Variants in SNX12 observed in about 807,000 individuals in gnomAD.
SNX12 encodes the protein sorting nexin 12, also known as sorting nexin-12.
For missense variants in SNX12, 62 were observed against 141.3 expected (o/e 0.44, Z 2.84); for synonymous variants, 47 against 56.0 (o/e 0.84, Z 0.71).
upstream of SNX12, among the ~76,000 whole-genome samples, chrX:71,072,027 G>C (rs1184823515): frequency 2.7e-5 from 3 of 110,719 alleles, no homozygotes; most frequent in Non-Finnish European, 5.7e-5. Flanking sequence ...GGAGGCCAAG[G>C]CGGGCTGATT....
At chrX:71,061,196 G>A (rs745687014) in intron 3 of SNX12, 78 bp from the exon 4 acceptor site, 2 of 838,546 alleles carry the variant, frequency 2.4e-6, no homozygotes, top group East Asian at 6.7e-5. Flanking sequence ...TGTGGACAGG[G>A]GAAGAAGGGC....
In SNX12 at chrX:71,059,399, G is replaced by A. The variant is rs2092123268; in HGVS notation, c.*1617C>T. The A allele has an allele frequency of 9.0e-6, 1 of 111,518 alleles. No individual in the cohort carries two copies. The highest frequency in any genetic ancestry group is 1.9e-5 in the Non-Finnish European group (1 of 53,188). The allele number at this position is 111,518 out of a possible 1,213,427, so 9.2% of individuals were successfully genotyped here. ...TCAGCACTTGTGCACAATGAAAGAGGAAATCGTTTTTAAAAAATGTCTATA... is the reference window on the plus strand; with the variant it reads ...TCAGCACTTGTGCACAATGAAAGAGAAAATCGTTTTTAAAAAATGTCTATA... On this transcript the variant is annotated 3_prime_UTR_variant, in exon 4 of 4. Transcript: ENST00000374274.
intron 3 of SNX12, among the ~76,000 whole-genome samples, 168 bp from the exon 4 acceptor site, chrX:71,061,286 G>C (rs191570440): frequency 9.0e-6 from 1 of 111,291 alleles, no homozygotes; most frequent in East Asian, 2.8e-4. Context: ...AGGGGACGGG[G>C]GATAGAGGGG....
chrX:71,070,036 C>A (rs1432939609), upstream of SNX12, among the ~76,000 whole-genome samples: 1 of 111,493 alleles, frequency 9.0e-6, no homozygotes, highest in African/African-American at 3.3e-5. Context: ...AACAGTGGAG[C>A]ATTTTTAGGC....
At chrX:71,072,114 C>T (rs372392891), upstream of SNX12, among the ~76,000 whole-genome samples, 4 of 110,171 alleles carry the variant, frequency 3.6e-5, no homozygotes, top group East Asian at 8.5e-4. Flanking sequence ...AAAAATTAGA[C>T]GGGCGAGGTG....
chrX:71,068,190 C>T lies in SNX12; in HGVS notation c.117G>A (p.Thr39=). ...FLEIDIFNPQ[T]VGVGRARFTT... ...TGAAGCGCGCGCGTCCCACGCCCAC[C>T]GTCTGAGGATTAAAGATGTCGATCT... The change falls in exon 1 of 4, where the codon ACG becomes ACA. Residue 39 remains threonine, a synonymous_variant. Coordinates refer to ENST00000374274, the MANE Select transcript of SNX12 (RefSeq NM_013346.4). 8.3e-7 allele frequency: 1 copy of T among 1,209,941 alleles called. No homozygotes were observed.
At chrX:71,073,075 A>AC (rs2092178127), upstream of SNX12, among the ~76,000 whole-genome samples, 4 of 79,367 alleles carry the variant, frequency 5.0e-5, no homozygotes, top group African/African-American at 1.6e-4. Context: ...CACACACACA[A>AC]AGAGTAGCTG....
chrX:71,071,413 A>T (rs1029200879), upstream of SNX12, among the ~76,000 whole-genome samples: 72 of 88,907 alleles, frequency 8.1e-4, no homozygotes, highest in Middle Eastern at 6.9e-3. Context: ...GTAATATATA[A>T]ATAATATAAA....
upstream of SNX12, among the ~76,000 whole-genome samples, chrX:71,071,607 T>TATATTAC (rs1473540448): frequency 1.6e-5 from 1 of 62,771 alleles, no homozygotes; most frequent in African/African-American, 6.6e-5. Flanking sequence ...ATATATATTA[T>TATATTAC]ATATAAATAT....
intron 1 of SNX12, 58 bp from the exon 2 acceptor site, chrX:71,063,007 C>T: frequency 3.9e-6 from 3 of 774,113 alleles, no homozygotes; most frequent in Non-Finnish European, 5.8e-6. Context: ...GTGGTAGCCA[C>T]CTGTCTGAGT....
upstream of SNX12, among the ~76,000 whole-genome samples, chrX:71,071,386 A>T (rs1406313032): frequency 1.1e-5 from 1 of 91,860 alleles, no homozygotes; most frequent in African/African-American, 4.0e-5. Context: ...AATAATTATA[A>T]TTATAAATAA....
At chrX:71,064,145 T>C (rs1271626435) in intron 1 of SNX12, among the ~76,000 whole-genome samples, 1 of 111,936 alleles carries the variant, frequency 8.9e-6, no homozygotes, top group Non-Finnish European at 1.9e-5. Flanking sequence ...GAATTTATCA[T>C]GTGTACATAT....
chrX:71,061,399 G>A (rs2092130687), intron 3 of SNX12, among the ~76,000 whole-genome samples: 1 of 112,199 alleles, frequency 8.9e-6, no homozygotes, highest in African/African-American at 3.2e-5. Flanking sequence ...TTACTGTCCA[G>A]TCAGCCCACC....
At chrX:71,066,882 C>T (rs1172543485) in intron 1 of SNX12, among the ~76,000 whole-genome samples, 1 of 111,664 alleles carries the variant, frequency 9.0e-6, no homozygotes, top group African/African-American at 3.3e-5. Flanking sequence ...ACTTTTCTTT[C>T]TTCAGTTTGG....
At chrX:71,069,987 C>T (rs1171651406), upstream of SNX12, among the ~76,000 whole-genome samples, 1 of 107,704 alleles carries the variant, frequency 9.3e-6, no homozygotes, top group Non-Finnish European at 1.9e-5. Flanking sequence ...AGAGAGAGAG[C>T]GAAAGAAAGA....
chrX:71,069,590 A>G (rs1473322995), upstream of SNX12, among the ~76,000 whole-genome samples: 1 of 112,337 alleles, frequency 8.9e-6, no homozygotes, highest in Admixed American at 9.5e-5. Context: ...CAGACATGAA[A>G]AGACATAAAG....
rs2092132880 is a variant in SNX12, at chrX:71,061,932, C to T, written c.297G>A (p.Lys99=). 8.3e-7 allele frequency: 1 copy of T among 1,200,934 alleles called. No homozygotes were observed. Among genetic ancestry groups the T allele is most frequent in the Non-Finnish European group, 1.1e-6 (1 of 891,603 alleles). ...VVPPLPGKAL[K]RQLPFRGDEG... Reference sequence around the variant, plus strand: ...CATCTCCTCGGAAAGGGAGCTGCCGCTTCAAGGCTTTCCCAGGCAGTGGTG... The same window carrying T: ...CATCTCCTCGGAAAGGGAGCTGCCGTTTCAAGGCTTTCCCAGGCAGTGGTG... Residue 99 remains lysine, a synonymous_variant, in exon 3 of 4, where the codon AAG becomes AAA. Transcript: ENST00000374274.
chrX:71,071,306 A>G (rs1297813804), upstream of SNX12, among the ~76,000 whole-genome samples: 1 of 101,007 alleles, frequency 9.9e-6, no homozygotes, highest in Non-Finnish European at 2.0e-5. Context: ...AAGTGAAAAA[A>G]GCTGGCAAAA....
chrX:71,071,888 C>T (rs73634858), upstream of SNX12, among the ~76,000 whole-genome samples: 5,041 of 105,207 alleles, frequency 0.048, 302 homozygotes, highest in African/African-American at 0.17. Context: ...TAACAATAAA[C>T]TTACATTTAT....
Sources: gnomAD v4.1 joint callset for allele counts (sites outside exome capture counted in the v4.1 genomes callset) on GRCh38, gnomAD v4.1.1 for gene constraint, MANE v1.5 for transcripts, NCBI Gene and HGNC (gene_info 2026-07-23, HGNC 2026-07-21) for gene names.